HCN2: variants seen among roughly 807,000 people sequenced by gnomAD.
HCN2 encodes the protein hyperpolarization activated cyclic nucleotide gated potassium and sodium channel 2.
A neutral mutation model predicts 52.3 loss-of-function variants in HCN2; 20 were observed. The observed-to-expected ratio is 0.38, with a 90% CI of 0.27 to 0.56. The LOEUF (loss-of-function observed/expected upper bound fraction) is 0.56. Among genes scored for constraint, HCN2 ranks in the 20% least tolerant of loss-of-function variants. The pLI, the probability that HCN2 is intolerant of heterozygous loss-of-function variation, is 0.71. For synonymous variants in HCN2, 694 were observed against 537.0 expected, an observed-to-expected ratio of 1.29 and a Z score of -4.04; for missense variants, 981 against 1,207.7, an observed-to-expected ratio of 0.81 and a Z score of 2.78.
chr19:604,001 G>T (rs1474147003), intron 2 of HCN2, 34 bp downstream of exon 2: 2 of 1,483,948 alleles, frequency 1.3e-6, no homozygotes, highest in African/African-American at 1.4e-5. Context: ...CAAGGCAGCA[G>T]GGGCGGGGCT....
Position 615,994 on chromosome 19 carries a change from G to A in HCN2, c.2190G>A (p.Leu730=). 6.4e-7 allele frequency: 1 copy of A among 1,566,014 alleles called. No individual in the cohort carries two copies. Among genetic ancestry groups the A allele is most frequent in the Non-Finnish European group, 8.6e-7 (1 of 1,161,410 alleles). The part of the protein sequence containing the change: ...PPQVTSAIAT[L]QQAAAMSFCP... ...AGGTCACCTCGGCCATCGCCACGCTGCAGCAGGCGGCGGCCATGAGCTTCT... is the reference window on the plus strand; with the variant it reads ...AGGTCACCTCGGCCATCGCCACGCTACAGCAGGCGGCGGCCATGAGCTTCT... Residue 730 remains leucine, a synonymous_variant, in exon 8 of 8, where the codon CTG becomes CTA. Coordinates refer to ENST00000251287, the MANE Select transcript of HCN2 (RefSeq NM_001194.4).
chr19:615,889 C>G lies in HCN2; in HGVS notation c.2085C>G (p.Val695=), dbSNP rs369420875. The change falls in exon 8 of 8, where the codon GTC becomes GTG. Residue 695 remains valine, a synonymous_variant. Coordinates refer to ENST00000251287, the MANE Select transcript of HCN2 (RefSeq NM_001194.4). ...AGAACGCCATCATCCAGGAGATCGT[C>G]AAGTACGACCGCGAGATGGTGCAGC... The part of the protein sequence containing the change: ...NQENAIIQEI[V]KYDREMVQQA... 1 of 1,612,862 alleles carries G rather than the reference C, an allele frequency of 6.2e-7. No individual in the cohort carries two copies.
At chr19:613,704 C>CGGGGCCGGGGCCGGGGCT in intron 6 of HCN2, 148 bp from the exon 7 acceptor site, 2 of 276,036 alleles carry the variant, frequency 7.2e-6, no homozygotes. Context: ...GGGATGGGGC[C>CGGGGCCGGGGCCGGGGCT]GGGGATGGGG....
chr19:602,572 C>T (rs570816384), intron 1 of HCN2, among the ~76,000 whole-genome samples: 49 of 152,210 alleles, frequency 3.2e-4, no homozygotes, highest in Non-Finnish European at 8.8e-5. Flanking sequence ...CGGTTCATTT[C>T]CCACCCTGGC....
chr19:609,750 A>T (rs1450091739), intron 4 of HCN2, among the ~76,000 whole-genome samples: 1 of 152,056 alleles, frequency 6.6e-6, no homozygotes, highest in Non-Finnish European at 1.5e-5. Context: ...AAAATAAAAG[A>T]ATCAGCCAGG....
At chr19:607,228 G>A (rs1238588451) in intron 3 of HCN2, among the ~76,000 whole-genome samples, 3 of 152,240 alleles carry the variant, frequency 2.0e-5, no homozygotes, top group African/African-American at 7.2e-5. Context: ...TCCTAGCTGA[G>A]ATGTGCTGAC....
At chr19:597,728 G>A (rs1178084231) in intron 1 of HCN2, among the ~76,000 whole-genome samples, 90 of 116,364 alleles carry the variant, frequency 7.7e-4, no homozygotes, top group Admixed American at 8.9e-4. Context: ...TGGTTTCTAG[G>A]TCCTCCTGGT....
chr19:598,633 G>A (rs771884760), intron 1 of HCN2, among the ~76,000 whole-genome samples: 43 of 150,498 alleles, frequency 2.9e-4, no homozygotes, highest in Middle Eastern at 3.5e-3. Context: ...ACGGAGTCTC[G>A]CTCTGTCGCC....
chr19:610,518 G>A, intron 5 of HCN2, 113 bp downstream of exon 5: 1 of 919,556 alleles, frequency 1.1e-6, no homozygotes, highest in Non-Finnish European at 1.7e-6. Context: ...GCTGCAGCAG[G>A]AGGGACTCGA....
intron 4 of HCN2, among the ~76,000 whole-genome samples, chr19:609,422 G>A (rs1264545766): frequency 2.6e-5 from 4 of 152,202 alleles, no homozygotes; most frequent in Non-Finnish European, 4.4e-5. Flanking sequence ...GCCTCTCCTC[G>A]TAGAGTCAGG....
chr19:602,564 G>A (rs930175340), intron 1 of HCN2, among the ~76,000 whole-genome samples: 2 of 152,180 alleles, frequency 1.3e-5, no homozygotes, highest in Non-Finnish European at 2.9e-5. Flanking sequence ...GCTGAGCACG[G>A]TTCATTTCCC....
chr19:602,671 T>TCCG (rs1983246666), intron 1 of HCN2, among the ~76,000 whole-genome samples: 1 of 152,228 alleles, frequency 6.6e-6, no homozygotes, highest in African/African-American at 2.4e-5. Flanking sequence ...TCTCTGCTCC[T>TCCG]CTGCTGTCCT....
In HCN2 at chr19:617,132, G is replaced by A. The variant is rs990432052; in HGVS notation, c.*658G>A. The A allele has an allele frequency of 1.7e-4, 73 of 424,224 alleles. No homozygotes were observed. The highest frequency in any genetic ancestry group is 1.2e-3 in the African/African-American group (53 of 43,340). The allele number at this position is 424,224 out of a possible 1,614,324, so 26.3% of individuals were successfully genotyped here. On this transcript the variant is annotated 3_prime_UTR_variant, in exon 8 of 8. Coordinates refer to ENST00000251287, the MANE Select transcript of HCN2 (RefSeq NM_001194.4). Reference sequence around the variant, plus strand: ...CCATTAACCCCCACACCCCCATTCCGCGCAATAAACGACAGCATTGGCGCC... The same window carrying A: ...CCATTAACCCCCACACCCCCATTCCACGCAATAAACGACAGCATTGGCGCC...
intron 5 of HCN2, among the ~76,000 whole-genome samples, chr19:612,064 G>A (rs1487754540): frequency 6.6e-6 from 1 of 152,022 alleles, no homozygotes; most frequent in Non-Finnish European, 1.5e-5. Flanking sequence ...AGAATCGCTT[G>A]AACCCAGGAG....
At chr19:596,326 C>T (rs1388166692) in intron 1 of HCN2, among the ~76,000 whole-genome samples, 1 of 152,212 alleles carries the variant, frequency 6.6e-6, no homozygotes, top group African/African-American at 2.4e-5. Flanking sequence ...ACATCGGTGT[C>T]AGGTGCCGGG....
intron 5 of HCN2, among the ~76,000 whole-genome samples, chr19:610,743 G>T (rs1983596406): frequency 6.6e-6 from 1 of 152,196 alleles, no homozygotes; most frequent in African/African-American, 2.4e-5. Flanking sequence ...AGGCTGATTG[G>T]AGCGGGTTTA....
chr19:612,973 C>G (rs1442546958), intron 5 of HCN2, among the ~76,000 whole-genome samples: 1 of 152,182 alleles, frequency 6.6e-6, no homozygotes, highest in South Asian at 2.1e-4. Flanking sequence ...AGCCCCCGCA[C>G]CCGGCCTCCT....
intron 1 of HCN2, among the ~76,000 whole-genome samples, chr19:594,187 G>A (rs948804550): frequency 2.1e-5 from 3 of 144,726 alleles, no homozygotes; most frequent in East Asian, 2.1e-4. Context: ...CGCGTTCTCC[G>A]AAGCTTGCTG....
intron 7 of HCN2, among the ~76,000 whole-genome samples, chr19:615,268 C>T (rs905602066): frequency 6.6e-6 from 1 of 151,950 alleles, no homozygotes; most frequent in African/African-American, 2.4e-5. Context: ...CCAGCACTTT[C>T]GGAGGCCAAG....
Sources: allele counts gnomAD v4.1 joint callset (sites outside exome capture counted in the v4.1 genomes callset), GRCh38; gene constraint gnomAD v4.1.1; transcripts MANE v1.5; gene names NCBI Gene and HGNC (gene_info 2026-07-23, HGNC 2026-07-21).